Variants in ASZ1 observed in about 807,000 individuals in gnomAD.
ASZ1 encodes ankyrin repeat, SAM and basic leucine zipper domain containing 1.
Under a neutral mutation model 61.8 loss-of-function variants are expected in ASZ1, and 67 were observed. The observed-to-expected ratio is 1.08, with a 90% CI of 0.89 to 1.33. The LOEUF is 1.33. ASZ1 is among the 40% of genes most tolerant of loss of function. The pLI is 0.00. For missense variants in ASZ1, 577 were observed against 554.5 expected, an observed-to-expected ratio of 1.04 and a Z score of -0.41; for synonymous variants, 193 against 192.7, an observed-to-expected ratio of 1.00 and a Z score of -0.01.
intron 10 of ASZ1, among the ~76,000 whole-genome samples, chr7:117,374,506 T>C (rs1305876052): frequency 2.0e-5 from 3 of 152,084 alleles, no homozygotes; most frequent in African/African-American, 7.2e-5. Context: ...AAAGCATACA[T>C]GTAAAAACCA....
chr7:117,385,668 A>G, intron 5 of ASZ1, 30 bp downstream of exon 5: 1 of 1,522,678 alleles, frequency 6.6e-7, no homozygotes, highest in South Asian at 1.2e-5. Flanking sequence ...TAACAGAAAC[A>G]AAAAGAAACA....
intron 4 of ASZ1, among the ~76,000 whole-genome samples, chr7:117,417,353 G>T (rs1163053116): frequency 6.6e-6 from 1 of 152,158 alleles, no homozygotes. Context: ...CAACAAAAAA[G>T]GCTACATCAA....
intron 4 of ASZ1, among the ~76,000 whole-genome samples, chr7:117,407,071 G>A (rs964551849): frequency 6.6e-6 from 1 of 151,982 alleles, no homozygotes; most frequent in Non-Finnish European, 1.5e-5. Flanking sequence ...ACCGATCAGT[G>A]TGCACATTAA....
In ASZ1 at chr7:117,426,951, T is replaced by C; in HGVS notation, c.106-16A>G. 2 of 1,575,570 alleles carry C rather than the reference T, an allele frequency of 1.3e-6. No homozygotes were observed. Among genetic ancestry groups the C allele is most frequent in the African/African-American group, 1.4e-5 (1 of 72,660 alleles). On this transcript the variant is annotated splice_polypyrimidine_tract_variant and intron_variant, in intron 1 of 12. Transcript: ENST00000284629. ...TTTTCAATTTCTAGAAAAGTAAACATTTTAAAAAATTCTTGTTATATATAT... is the reference window on the plus strand; with the variant it reads ...TTTTCAATTTCTAGAAAAGTAAACACTTTAAAAAATTCTTGTTATATATAT...
intron 4 of ASZ1, 72 bp from the exon 5 acceptor site, chr7:117,385,881 A>G (rs938002169): frequency 6.5e-5 from 79 of 1,212,754 alleles, no homozygotes; most frequent in South Asian, 1.3e-5. Flanking sequence ...TAATTTAACC[A>G]TACACAATAC....
At position 117,384,778 on chromosome 7, in the gene ASZ1, G is replaced by A; in HGVS notation, c.635C>T (p.Thr212Ile). Residue 212 changes from threonine to isoleucine, a missense_variant, in exon 6 of 13, where the codon ACC becomes ATC. Transcript: ENST00000284629. The stretch of plus-strand genomic sequence containing the variant: ...CTCACTTGGCATCTTTCCATCTTTG[G>A]TTTGTAGCATTTTATTAGCTCCAAG... ...LELGANKMLQTKDGKMPSEIA... is the reference protein window; with the variant it reads ...LELGANKMLQIKDGKMPSEIA... The A allele has an allele frequency of 6.2e-7, 1 of 1,611,302 alleles. No homozygotes were observed. Among genetic ancestry groups the A allele is most frequent in the Non-Finnish European group, 8.5e-7 (1 of 1,178,918 alleles).
chr7:117,417,725 T>G (rs1391852050), intron 4 of ASZ1, among the ~76,000 whole-genome samples: 1 of 152,260 alleles, frequency 6.6e-6, no homozygotes, highest in African/African-American at 2.4e-5. Context: ...CTTTATGCTT[T>G]GAGCATTAAA....
At chr7:117,363,979 T>C (rs976112283) in intron 12 of ASZ1, among the ~76,000 whole-genome samples, 15 of 152,164 alleles carry the variant, frequency 9.9e-5, no homozygotes, top group African/African-American at 3.6e-4. Flanking sequence ...AAATACATGC[T>C]TTCATAGATG....
At chr7:117,363,777 G>A in intron 12 of ASZ1, 29 bp from the exon 13 acceptor site, 1 of 1,524,280 alleles carries the variant, frequency 6.6e-7, no homozygotes, top group Non-Finnish European at 8.9e-7. Context: ...AAAGAAAAGA[G>A]GAGTTACTGT....
chr7:117,425,255 ATTTCTTT>A (rs1276695102), intron 2 of ASZ1, among the ~76,000 whole-genome samples: 8 of 86,688 alleles, frequency 9.2e-5, no homozygotes, highest in African/African-American at 2.7e-4. Flanking sequence ...CCTTTGAGTA[ATTTCTTT>A]TTTTTTTTTT....
At chr7:117,380,556 T>C (rs1053615237) in intron 9 of ASZ1, among the ~76,000 whole-genome samples, 1 of 151,702 alleles carries the variant, frequency 6.6e-6, no homozygotes, top group Non-Finnish European at 1.5e-5. Context: ...TTTTTACATA[T>C]GCTATTTATC....
rs200992263 is a variant in ASZ1, at chr7:117,417,187, TA to T, written c.440+2975del. Among the ~76,000 whole-genome samples the T allele has an allele frequency of 2.7e-3, 399 of 148,192 alleles. 2 individuals are homozygous for T. The highest frequency in any genetic ancestry group is 6.9e-3 in the Middle Eastern group (2 of 288). Reference sequence around the variant, plus strand: ...ACAAGACTACTGATCCCGTATTAGTTAAAAAAAAAAAGTTAGAAGCCAACTT... The same window carrying T: ...ACAAGACTACTGATCCCGTATTAGTTAAAAAAAAAAGTTAGAAGCCAACTT... On this transcript the variant is annotated intron_variant, in intron 4 of 12. Transcript: ENST00000284629.
intron 4 of ASZ1, among the ~76,000 whole-genome samples, chr7:117,397,938 G>C (rs150235823): frequency 0.013 from 1,921 of 152,314 alleles, 34 homozygotes; most frequent in African/African-American, 0.043. Context: ...CTATTAATCG[G>C]CCACAGGCCA....
intron 4 of ASZ1, among the ~76,000 whole-genome samples, chr7:117,400,836 T>G (rs949674922): frequency 6.6e-6 from 1 of 152,326 alleles, no homozygotes; most frequent in Non-Finnish European, 1.5e-5. Flanking sequence ...GAATTGAGAC[T>G]GTGGAAAATA....
chr7:117,385,602 C>A, intron 5 of ASZ1, 96 bp downstream of exon 5: 1 of 1,003,598 alleles, frequency 1.0e-6, no homozygotes, highest in Non-Finnish European at 1.5e-6. Flanking sequence ...CAATTATATT[C>A]CAGCCCTTTT....
At chr7:117,373,017 C>T (rs1166854816) in intron 10 of ASZ1, among the ~76,000 whole-genome samples, 1 of 152,024 alleles carries the variant, frequency 6.6e-6, no homozygotes, top group Non-Finnish European at 1.5e-5. Flanking sequence ...GTGAACAATA[C>T]ACTTTTACAT....
intron 2 of ASZ1, among the ~76,000 whole-genome samples, chr7:117,426,397 G>A (rs1042988227): frequency 6.9e-6 from 1 of 145,494 alleles, no homozygotes; most frequent in Non-Finnish European, 1.5e-5. Flanking sequence ...GGGTGAGGCA[G>A]GAGAATCGCT....
Position 117,385,807 on chromosome 7 carries a change from C to A in ASZ1, c.443G>T (p.Arg148Ile). The A allele has an allele frequency of 6.2e-7, 1 of 1,607,500 alleles. No individual in the cohort carries two copies. The highest frequency in any genetic ancestry group is 1.1e-5 in the South Asian group (1 of 90,296). Residue 148 changes from arginine (R) to isoleucine (I), a missense_variant and splice_region_variant, in exon 5 of 13, where the codon AGA (arginine) becomes ATA (isoleucine). By Grantham distance (97) the Arg-to-Ile change is moderately conservative. Coordinates refer to ENST00000284629, the MANE Select transcript of ASZ1 (RefSeq NM_130768.3). ...RNADPNVACR[R>I]LMTPIMYAAR... ...AGCATACATGATTGGGGTCATAAGT[C>A]TCCTAAGGAGGAGGAAGAAAGGAAA...
At chr7:117,372,666 G>T (rs1287467472) in intron 10 of ASZ1, among the ~76,000 whole-genome samples, 1 of 152,090 alleles carries the variant, frequency 6.6e-6, no homozygotes, top group East Asian at 1.9e-4. Flanking sequence ...ATAAGCAAAG[G>T]TATTATGCGC....
Sources: gnomAD v4.1 joint callset for allele counts (sites outside exome capture counted in the v4.1 genomes callset) on GRCh38, gnomAD v4.1.1 for gene constraint, MANE v1.5 for transcripts, NCBI Gene and HGNC (gene_info 2026-07-23, HGNC 2026-07-21) for gene names.